The following POU6F2 variants were observed in gnomAD, a reference collection of about 807,000 sequenced individuals.
POU6F2 encodes the protein POU class 6 homeobox 2.
POU6F2 carries 31 observed loss-of-function variants against 71.3 expected under a neutral mutation model. That is an observed-to-expected ratio of 0.43 (90% CI 0.33 to 0.59). The LOEUF (loss-of-function observed/expected upper bound fraction) is 0.59. Among genes scored for constraint, POU6F2 ranks in the 20% least tolerant of loss-of-function variants. The pLI is 0.04. For missense variants in POU6F2, 783 were observed against 856.8 expected (o/e 0.91, Z 1.07); for synonymous variants, 347 against 355.7 (o/e 0.98, Z 0.27).
chr7:39,044,730 A>G (rs1382628666), intron 1 of POU6F2, among the ~76,000 whole-genome samples: 1 of 152,016 alleles, frequency 6.6e-6, no homozygotes, highest in African/African-American at 2.4e-5. Context: ...GCCCATGAAT[A>G]AGTTGATAAA....
At chr7:39,077,550 T>C (rs963886720) in intron 1 of POU6F2, among the ~76,000 whole-genome samples, 13 of 152,152 alleles carry the variant, frequency 8.5e-5, no homozygotes, top group African/African-American at 3.1e-4. Context: ...AGTATAAGCA[T>C]AGTTAAGAGG....
At chr7:39,025,404 T>C (rs1789777590) in intron 1 of POU6F2, among the ~76,000 whole-genome samples, 2 of 152,130 alleles carry the variant, frequency 1.3e-5, no homozygotes, top group African/African-American at 4.8e-5. Context: ...AACAGAGATA[T>C]AGATCAATGG....
chr7:39,359,499 TATA>T (rs1786330296), intron 5 of POU6F2, among the ~76,000 whole-genome samples: 2 of 152,334 alleles, frequency 1.3e-5, no homozygotes, highest in South Asian at 4.1e-4. Flanking sequence ...TTATGTAAAA[TATA>T]TGCTCTCCTT....
At chr7:39,405,726 C>G (rs1052290167) in intron 5 of POU6F2, among the ~76,000 whole-genome samples, 1 of 152,108 alleles carries the variant, frequency 6.6e-6, no homozygotes, top group Non-Finnish European at 1.5e-5. Context: ...GGTCAGAAGG[C>G]CTGAAAACCT....
intron 1 of POU6F2, among the ~76,000 whole-genome samples, chr7:39,079,455 G>A (rs1179587531): frequency 6.6e-6 from 1 of 151,928 alleles, no homozygotes; most frequent in Non-Finnish European, 1.5e-5. Flanking sequence ...GGGATTACAG[G>A]CTTAAGCCAC....
At chr7:39,155,630 T>A (rs1792853044) in intron 2 of POU6F2, among the ~76,000 whole-genome samples, 1 of 152,212 alleles carries the variant, frequency 6.6e-6, no homozygotes, top group Non-Finnish European at 1.5e-5. Flanking sequence ...GGTTCATGTG[T>A]ATTGAAATGT....
chr7:39,127,155 G>T (rs943615805), intron 2 of POU6F2, among the ~76,000 whole-genome samples: 5 of 152,052 alleles, frequency 3.3e-5, no homozygotes, highest in Non-Finnish European at 5.9e-5. Flanking sequence ...TTTTGTACTT[G>T]GTCTTTGAAA....
intron 2 of POU6F2, among the ~76,000 whole-genome samples, chr7:39,150,797 G>A (rs1399986099): frequency 6.6e-6 from 1 of 151,790 alleles, no homozygotes; most frequent in Admixed American, 6.6e-5. Flanking sequence ...CAGTGTACTG[G>A]GGTTCTCTTT....
chr7:39,464,832 A>C lies in POU6F2; in HGVS notation c.*146A>C. On this transcript the variant is annotated 3_prime_UTR_variant, in exon 10 of 10. Coordinates refer to ENST00000518318, the MANE Select transcript of POU6F2 (RefSeq NM_001370959.1). The surrounding 1 kb of genome is among the most constrained non-coding windows in gnomAD (Gnocchi z 4.1). ...CCCTTGTAAGTAAATGACTAAGAAA[A>C]CTACCAAGTGGACAGAATGGTTTCT... 1 of 1,030,212 alleles carries C rather than the reference A, an allele frequency of 9.7e-7. No homozygotes were observed. Among genetic ancestry groups the C allele is most frequent in the Non-Finnish European group, 1.4e-6 (1 of 731,760 alleles). The allele number at this position is 1,030,212 out of a possible 1,614,324, so 63.8% of individuals were successfully genotyped here.
intron 4 of POU6F2, among the ~76,000 whole-genome samples, chr7:39,312,792 AC>A: frequency 6.6e-6 from 1 of 152,316 alleles, no homozygotes; most frequent in East Asian, 1.9e-4. Context: ...TGAGTGACTA[AC>A]AGGTGGGGAG....
intron 2 of POU6F2, among the ~76,000 whole-genome samples, chr7:39,156,492 G>A (rs1055468476): frequency 6.6e-6 from 1 of 152,146 alleles, no homozygotes; most frequent in Non-Finnish European, 1.5e-5. Flanking sequence ...TATACAGCAT[G>A]AAATGAATGC....
intron 5 of POU6F2, among the ~76,000 whole-genome samples, chr7:39,341,165 G>T (rs1279611573): frequency 1.3e-5 from 2 of 152,188 alleles, no homozygotes; most frequent in African/African-American, 4.8e-5. Context: ...AAGGCAGGTG[G>T]ATTAGAGACT....
At chr7:39,266,447 G>C (rs763497920) in intron 4 of POU6F2, among the ~76,000 whole-genome samples, 1 of 152,136 alleles carries the variant, frequency 6.6e-6, no homozygotes, top group South Asian at 2.1e-4. Context: ...CAGTGTTTAC[G>C]TAGCCTTATG....
chr7:39,034,034 G>A (rs187168317), intron 1 of POU6F2, among the ~76,000 whole-genome samples: 15 of 152,260 alleles, frequency 9.9e-5, no homozygotes, highest in African/African-American at 2.9e-4. Context: ...TCTTCAAGCC[G>A]TACACGTCTG....
At chr7:39,365,405 C>G (rs1005180294) in intron 5 of POU6F2, among the ~76,000 whole-genome samples, 2 of 152,174 alleles carry the variant, frequency 1.3e-5, no homozygotes, top group African/African-American at 4.8e-5. Context: ...GGATTAAGGA[C>G]TTAAATCTAA....
intron 2 of POU6F2, among the ~76,000 whole-genome samples, chr7:39,138,998 CT>C (rs750256736): frequency 1.1e-4 from 16 of 152,126 alleles, no homozygotes; most frequent in Non-Finnish European, 1.9e-4. Context: ...GGCAAGAAAC[CT>C]GTGCAGTCGC....
intron 1 of POU6F2, among the ~76,000 whole-genome samples, chr7:39,035,076 A>G (rs1320399466): frequency 2.6e-5 from 4 of 151,508 alleles, no homozygotes; most frequent in African/African-American, 7.3e-5. Flanking sequence ...TGTATTATAT[A>G]TGTGTGTATA....
chr7:39,211,935 A>G (rs761018165), intron 4 of POU6F2, among the ~76,000 whole-genome samples: 4 of 152,112 alleles, frequency 2.6e-5, no homozygotes, highest in South Asian at 2.1e-4. Flanking sequence ...TGTCTCCTCT[A>G]AGGTCAGGCA....
chr7:39,373,521 T>G (rs982797586), intron 5 of POU6F2: 3 of 456,562 alleles, frequency 6.6e-6, no homozygotes, highest in African/African-American at 2.0e-5. Context: ...GAAAGGTGGA[T>G]GGAAGAATTT....
Sources: allele counts gnomAD v4.1 joint callset (sites outside exome capture counted in the v4.1 genomes callset), GRCh38; gene constraint gnomAD v4.1.1; non-coding constraint Gnocchi (gnomAD v3.1); transcripts MANE v1.5; gene names NCBI Gene and HGNC (gene_info 2026-07-23, HGNC 2026-07-21).